Variants in ABCC11 observed in about 807,000 individuals in gnomAD.
ABCC11 encodes the protein ATP-binding cassette sub-family C member 11.
In ABCC11, 135 loss-of-function variants were observed where a neutral mutation model predicts 149.3. The ratio of observed to expected loss-of-function variants is 0.90; its 90% confidence interval spans 0.79 to 1.04. ABCC11 has a LOEUF of 1.04. ABCC11 is among the 50% of genes least tolerant of loss of function. The pLI is 0.00. For missense variants in ABCC11, 1,680 were observed against 1,722.1 expected (o/e 0.98, Z 0.43); for synonymous variants, 665 against 671.4 (o/e 0.99, Z 0.15).
chr16:48,229,270 G>T (rs1970276350), intron 3 of ABCC11, among the ~76,000 whole-genome samples: 1 of 151,924 alleles, frequency 6.6e-6, no homozygotes, highest in Non-Finnish European at 1.5e-5. Flanking sequence ...CCAGGTGAAT[G>T]AAAGTACCAA....
intron 6 of ABCC11, among the ~76,000 whole-genome samples, chr16:48,220,809 A>T: frequency 6.6e-6 from 1 of 152,204 alleles, no homozygotes; most frequent in East Asian, 1.9e-4. Context: ...AATTCAGCAG[A>T]TGTTTTTGGA....
In ABCC11 at chr16:48,211,210, A is replaced by C; in HGVS notation, c.1357-11T>G. ...CTGGAGGAAAAACTTCTGTAAAGAC[A>C]GAAAAAAATAGAGGGAGGAGGAATA... is the stretch of plus-strand genomic sequence containing the variant. On this transcript the variant is annotated splice_polypyrimidine_tract_variant and intron_variant, in intron 10 of 29. Coordinates refer to ENST00000356608, the MANE Select transcript of ABCC11 (RefSeq NM_001370497.1). 1 of 1,611,810 alleles carries C rather than the reference A, an allele frequency of 6.2e-7. No homozygotes were observed. The highest frequency in any genetic ancestry group is 8.5e-7 in the Non-Finnish European group (1 of 1,179,064).
chr16:48,196,227 C>T lies in ABCC11; in HGVS notation c.2404+5G>A, dbSNP rs1270860353. On this transcript the variant is annotated splice_donor_5th_base_variant and intron_variant, in intron 18 of 29. Coordinates refer to ENST00000356608, the MANE Select transcript of ABCC11 (RefSeq NM_001370497.1). ...GAGAGCCCTGGGCTGGCATGGGGAC[C>T]GTACCTCCAGCTGCCTGGATGTAGT... 19 of 1,613,846 alleles carry T rather than the reference C, an allele frequency of 1.2e-5. No individual in the cohort carries two copies. Among genetic ancestry groups the T allele is most frequent in the East Asian group, 2.2e-5 (1 of 44,880 alleles).
chr16:48,227,762 ATTGTCT>A, intron 4 of ABCC11, 38 bp downstream of exon 4: 3 of 1,604,896 alleles, frequency 1.9e-6, no homozygotes, highest in Non-Finnish European at 2.6e-6. Context: ...CCACCAAGAG[ATTGTCT>A]TTTAACCTAT....
chr16:48,177,897 C>T (rs1049068862), intron 24 of ABCC11, among the ~76,000 whole-genome samples: 4 of 152,190 alleles, frequency 2.6e-5, no homozygotes, highest in Non-Finnish European at 5.9e-5. Context: ...TCTGCCTGGC[C>T]CAACCTCGGT....
chr16:48,180,344 C>T (rs1358336156), intron 23 of ABCC11, among the ~76,000 whole-genome samples: 2 of 152,160 alleles, frequency 1.3e-5, no homozygotes, highest in East Asian at 1.9e-4. Flanking sequence ...GGGGCTGCAG[C>T]AGCCATTTTG....
chr16:48,225,228 TA>T (rs1201548214), intron 4 of ABCC11, among the ~76,000 whole-genome samples: 1 of 151,926 alleles, frequency 6.6e-6, no homozygotes, highest in Non-Finnish European at 1.5e-5. Flanking sequence ...TAAAATAAAA[TA>T]AAATAACACC....
rs776689526 is a variant in ABCC11, at chr16:48,187,119, G to A, written c.2934-29C>T. 4 of 1,614,050 alleles carry A rather than the reference G, an allele frequency of 2.5e-6. No individual in the cohort carries two copies. The South Asian group carries it at 3.3e-5, about 13-fold the overall frequency. Reference sequence around the variant, plus strand: ...CATGGACAGTGGAGGTAAGGGACCTGGACCGTCCACCTCTGGGACCATCTA... The same window carrying A: ...CATGGACAGTGGAGGTAAGGGACCTAGACCGTCCACCTCTGGGACCATCTA... On this transcript the variant is annotated intron_variant, in intron 21 of 29. Coordinates refer to ENST00000356608, the MANE Select transcript of ABCC11 (RefSeq NM_001370497.1).
intron 3 of ABCC11, among the ~76,000 whole-genome samples, chr16:48,229,331 A>G (rs1019304470): frequency 6.6e-6 from 1 of 152,196 alleles, no homozygotes; most frequent in African/African-American, 2.4e-5. Flanking sequence ...TAACAATGTA[A>G]CTAGTATTGA....
intron 18 of ABCC11, 63 bp downstream of exon 18, chr16:48,196,169 T>C: frequency 1.3e-6 from 2 of 1,550,484 alleles, no homozygotes; most frequent in Non-Finnish European, 1.8e-6. Context: ...TGTTCCAATC[T>C]GACCCAGTTC....
chr16:48,192,503 A>T lies in ABCC11; in HGVS notation c.2706+17T>A. On this transcript the variant is annotated intron_variant, in intron 20 of 29. Transcript: ENST00000356608. ...CAGAGCTCAGCCTTCGGCCCCACCC[A>T]GCACCCAGGCCCATACCTTGTTGAA... 1 of 1,613,904 alleles carries T rather than the reference A, an allele frequency of 6.2e-7. No individual in the cohort carries two copies. Among genetic ancestry groups the T allele is most frequent in the Non-Finnish European group, 8.5e-7 (1 of 1,179,798 alleles).
In ABCC11 at chr16:48,184,600, T is replaced by C. The variant is rs111447063; in HGVS notation, c.3098A>G (p.Asn1033Ser). 9.3e-6 allele frequency: 15 copies of C among 1,614,108 alleles called. No individual in the cohort carries two copies. The African/African-American group carries it at 2.0e-4, about 22-fold the overall frequency. ...SQFKRLTDAQ[N>S]NYLLLFLSST... is the part of the protein sequence containing the mutation. ...AGATAGAAACAACAGCAGGTAGTTA[T>C]TCTGCGCATCAGTCAGCCTCTTAAA... The change falls in exon 23 of 30, where the codon AAT becomes AGT. Residue 1033 changes from asparagine (N) to serine (S), a missense_variant. By Grantham distance (46) the Asn-to-Ser change is conservative. Coordinates refer to ENST00000356608, the MANE Select transcript of ABCC11 (RefSeq NM_001370497.1).
At position 48,226,571 on chromosome 16, in the gene ABCC11, C is replaced by A. The variant is rs148120457; in HGVS notation, c.395+1235G>T. ...GGATTACAGGCGTGAGCCACTGCACCCGGCCAATCCATTATTTTATACATA... is the reference window on the plus strand; with the variant it reads ...GGATTACAGGCGTGAGCCACTGCACACGGCCAATCCATTATTTTATACATA... On this transcript the variant is annotated intron_variant, in intron 4 of 29. Transcript: ENST00000356608. Among the ~76,000 whole-genome samples, 167 of 152,264 alleles carry A rather than the reference C, an allele frequency of 1.1e-3. 1 individual carries two copies. Among genetic ancestry groups the A allele is most frequent in the African/African-American group, 3.9e-3 (162 of 41,560 alleles).
chr16:48,241,101 A>C (rs746671599), intron 1 of ABCC11, among the ~76,000 whole-genome samples: 1 of 151,932 alleles, frequency 6.6e-6, no homozygotes, highest in Non-Finnish European at 1.5e-5. Context: ...CACCTGGCTA[A>C]TTTTCTGTAT....
At chr16:48,197,122 C>T (rs1485348444) in intron 17 of ABCC11, among the ~76,000 whole-genome samples, 2 of 152,060 alleles carry the variant, frequency 1.3e-5, no homozygotes, top group Admixed American at 6.6e-5. Context: ...CTCAGGAGTT[C>T]GAGATCAGCC....
At chr16:48,241,191 C>A (rs1567297960) in intron 1 of ABCC11, among the ~76,000 whole-genome samples, 1 of 152,206 alleles carries the variant, frequency 6.6e-6, no homozygotes, top group Non-Finnish European at 1.5e-5. Context: ...CCATCTCGGC[C>A]TCCCAAAGTG....
intron 11 of ABCC11, 63 bp downstream of exon 11, chr16:48,210,885 C>A: frequency 6.3e-7 from 1 of 1,580,672 alleles, no homozygotes; most frequent in South Asian, 1.1e-5. Flanking sequence ...CCTGGCCAAG[C>A]TCCTAGCCTC....
At chr16:48,230,344 T>A (rs1018966910) in intron 3 of ABCC11, 93 bp downstream of exon 3, 32 of 1,429,008 alleles carry the variant, frequency 2.2e-5, no homozygotes, top group Non-Finnish European at 3.0e-5. Context: ...AGGGATGTAG[T>A]TATGCAACCT....
intron 25 of ABCC11, chr16:48,176,102 C>T (rs1966051487): frequency 6.6e-6 from 1 of 152,246 alleles, no homozygotes; most frequent in African/African-American, 2.4e-5. Context: ...TGCCAGACCC[C>T]AGCCCTCTCA....
Sources: allele counts gnomAD v4.1 joint callset (sites outside exome capture counted in the v4.1 genomes callset), GRCh38; gene constraint gnomAD v4.1.1; transcripts MANE v1.5; gene names NCBI Gene and HGNC (gene_info 2026-07-23, HGNC 2026-07-21).